The following DCUN1D3 variants were observed in gnomAD, a reference collection of about 807,000 sequenced individuals.
DCUN1D3 encodes the protein DCN1-like protein 3.
DCUN1D3 carries 6 observed loss-of-function variants against 24.8 expected under a neutral mutation model. That is an observed-to-expected ratio of 0.24 (90% confidence interval 0.13 to 0.48). The LOEUF (loss-of-function observed/expected upper bound fraction) is 0.48. Ranked by LOEUF, DCUN1D3 falls within the 20% of genes least tolerant of loss-of-function variation. The probability of loss-of-function intolerance (pLI) is 0.99; values close to 1 mark genes in which losing one functional copy is unlikely to be tolerated. For missense variants in DCUN1D3, 258 were observed against 379.4 expected, an observed-to-expected ratio of 0.68 and a Z score of 2.66; for synonymous variants, 120 against 144.9, an observed-to-expected ratio of 0.83 and a Z score of 1.24.
At chr16:20,873,303 T>A (rs1048612637) in intron 1 of DCUN1D3, among the ~76,000 whole-genome samples, 7 of 152,162 alleles carry the variant, frequency 4.6e-5, no homozygotes, top group African/African-American at 1.7e-4. Flanking sequence ...AACTTCCTCC[T>A]CACACTCCCT....
intron 1 of DCUN1D3, among the ~76,000 whole-genome samples, chr16:20,885,264 T>C (rs1022306728): frequency 2.0e-5 from 3 of 152,042 alleles, no homozygotes; most frequent in African/African-American, 7.2e-5. Flanking sequence ...GTGTGAGCCA[T>C]TGCACCCGGC....
At chr16:20,884,471 C>T (rs1163908794) in intron 1 of DCUN1D3, among the ~76,000 whole-genome samples, 2 of 152,144 alleles carry the variant, frequency 1.3e-5, no homozygotes, top group South Asian at 2.1e-4. Flanking sequence ...AACTTCCATA[C>T]CACAGGAAAT....
chr16:20,878,779 A>G (rs2081828484), intron 1 of DCUN1D3, among the ~76,000 whole-genome samples: 3 of 152,238 alleles, frequency 2.0e-5, no homozygotes, highest in Admixed American at 1.3e-4. Context: ...GCTGAAGCAC[A>G]TACCTTATCA....
chr16:20,891,585 A>C (rs2081892545), intron 1 of DCUN1D3, among the ~76,000 whole-genome samples: 2 of 152,172 alleles, frequency 1.3e-5, no homozygotes, highest in South Asian at 4.1e-4. Flanking sequence ...AGAGGAGGAC[A>C]TGTAGGGTAG....
At chr16:20,885,189 TGGTCTC>T (rs1212220168) in intron 1 of DCUN1D3, among the ~76,000 whole-genome samples, 2 of 152,066 alleles carry the variant, frequency 1.3e-5, no homozygotes, top group Non-Finnish European at 2.9e-5. Flanking sequence ...TTGGCCAGGA[TGGTCTC>T]CATCTCTTTA....
chr16:20,898,635 G>T (rs559625147), intron 1 of DCUN1D3, among the ~76,000 whole-genome samples: 126 of 152,128 alleles, frequency 8.3e-4, no homozygotes, highest in African/African-American at 3.0e-3. Flanking sequence ...TGTTTTTTAG[G>T]GCCCGAAAGC....
intron 1 of DCUN1D3, among the ~76,000 whole-genome samples, chr16:20,897,755 C>T (rs1020840533): frequency 6.6e-6 from 1 of 152,172 alleles, no homozygotes; most frequent in Non-Finnish European, 1.5e-5. Flanking sequence ...CTCAATTGAA[C>T]ATCCTGCTGA....
intron 1 of DCUN1D3, among the ~76,000 whole-genome samples, chr16:20,865,663 A>G (rs566330086): frequency 5.3e-5 from 8 of 152,336 alleles, no homozygotes; most frequent in African/African-American, 1.9e-4. Flanking sequence ...GGGAGCTTTC[A>G]TGGACCTCTA....
intron 1 of DCUN1D3, among the ~76,000 whole-genome samples, chr16:20,882,477 C>A (rs2081849405): frequency 6.6e-6 from 1 of 151,896 alleles, no homozygotes; most frequent in Non-Finnish European, 1.5e-5. Flanking sequence ...GTTGGTCAGA[C>A]TGGTCTCGAA....
chr16:20,896,930 C>T (rs977547403), intron 1 of DCUN1D3, among the ~76,000 whole-genome samples: 1 of 152,182 alleles, frequency 6.6e-6, no homozygotes, highest in Non-Finnish European at 1.5e-5. Flanking sequence ...TCTACCTCGT[C>T]CCCTTCATTG....
At position 20,888,884 on chromosome 16, in the gene DCUN1D3, C is replaced by T. The variant is rs184430880; in HGVS notation, c.-106+11320G>A. ...GGTGGATCACTTGAGGTCAGGAGTT[C>T]GAGACCAGCCTGGCCAACATAATGA... On this transcript the variant is annotated intron_variant, in intron 1 of 2. Transcript: ENST00000324344. Among the ~76,000 whole-genome samples, 451 of 152,182 alleles carry T rather than the reference C, an allele frequency of 3.0e-3. 3 individuals are homozygous for T. Among genetic ancestry groups the T allele is most frequent in the Non-Finnish European group, 4.8e-3 (326 of 68,020 alleles).
chr16:20,871,824 C>A (rs1437232564), intron 1 of DCUN1D3, among the ~76,000 whole-genome samples: 1 of 152,226 alleles, frequency 6.6e-6, no homozygotes, highest in African/African-American at 2.4e-5. Flanking sequence ...TAACTACCCA[C>A]TTATGTGCAA....
chr16:20,875,237 CA>C, intron 1 of DCUN1D3, among the ~76,000 whole-genome samples: 1 of 137,258 alleles, frequency 7.3e-6, no homozygotes, highest in African/African-American at 2.7e-5. Context: ...CACACACACA[CA>C]CACACACACA....
At chr16:20,876,324 T>C (rs781126083) in intron 1 of DCUN1D3, among the ~76,000 whole-genome samples, 1 of 151,270 alleles carries the variant, frequency 6.6e-6, no homozygotes, top group Non-Finnish European at 1.5e-5. Flanking sequence ...AAAGGAGACA[T>C]GAAAATAGCC....
intron 1 of DCUN1D3, among the ~76,000 whole-genome samples, chr16:20,875,134 A>G (rs1014609765): frequency 2.0e-5 from 3 of 152,012 alleles, no homozygotes; most frequent in Non-Finnish European, 2.9e-5. Flanking sequence ...CAGCAGCACC[A>G]TAAGTTCTTT....
intron 2 of DCUN1D3, among the ~76,000 whole-genome samples, chr16:20,861,371 G>A (rs2081731550): frequency 6.6e-6 from 1 of 151,078 alleles, no homozygotes; most frequent in African/African-American, 2.4e-5. Flanking sequence ...CACAGTGCAA[G>A]TGGCTTCATG....
At chr16:20,889,054 C>A (rs1262195820) in intron 1 of DCUN1D3, among the ~76,000 whole-genome samples, 2 of 152,090 alleles carry the variant, frequency 1.3e-5, no homozygotes, top group Admixed American at 6.6e-5. Context: ...ATAGTGAAAC[C>A]CCATCTCTAC....
At chr16:20,868,877 A>G (rs1352872812) in intron 1 of DCUN1D3, 1 of 152,100 alleles carries the variant, frequency 6.6e-6, no homozygotes, top group Non-Finnish European at 1.5e-5. Context: ...TTTTCTACTT[A>G]TAGCTTTGAG....
At position 20,883,925 on chromosome 16, in the gene DCUN1D3, ATTT is replaced by A. The variant is rs1190041604; in HGVS notation, c.-106+16276_-106+16278del. Among the ~76,000 whole-genome samples, 27 of 152,262 alleles carry A rather than the reference ATTT, an allele frequency of 1.8e-4. No individual in the cohort carries two copies. In the East Asian group the frequency reaches 4.0e-3, roughly 23 times the overall value. ...ATTAAGTCTTCAATTAAACATTTTT[ATTT>A]TTTTACTTGAAGTTGCCATGAATAT... On this transcript the variant is annotated intron_variant, in intron 1 of 2. Transcript: ENST00000324344.
Sources: allele counts gnomAD v4.1 joint callset (sites outside exome capture counted in the v4.1 genomes callset), GRCh38; gene constraint gnomAD v4.1.1; transcripts MANE v1.5; gene names NCBI Gene and HGNC (gene_info 2026-07-23, HGNC 2026-07-21).